PLCL2: variants seen among roughly 807,000 people sequenced by gnomAD.
PLCL2 encodes the protein phospholipase C like 2, also known as inactive phospholipase C-like protein 2.
Under a neutral mutation model 79.6 loss-of-function variants are expected in PLCL2, and 4 were observed. The ratio of observed to expected loss-of-function variants is 0.05; its 90% CI spans 0.02 to 0.11. The LOEUF (loss-of-function observed/expected upper bound fraction) is 0.11, where lower values mean the gene tolerates loss of function less well. PLCL2 is among the 10% of genes least tolerant of loss of function. PLCL2 has a pLI of 1.00. For missense variants in PLCL2, 895 were observed against 1,291.0 expected (o/e 0.69, Z 4.70); for synonymous variants, 484 against 457.7 (o/e 1.06, Z -0.73).
At chr3:16,921,910 T>C (rs1470194955) in intron 1 of PLCL2, among the ~76,000 whole-genome samples, 2 of 152,028 alleles carry the variant, frequency 1.3e-5, no homozygotes, top group Non-Finnish European at 2.9e-5. Flanking sequence ...CTGGAAGCTA[T>C]GGGAAAAAGA....
At chr3:16,951,072 G>A (rs1002416028) in intron 1 of PLCL2, among the ~76,000 whole-genome samples, 4 of 152,106 alleles carry the variant, frequency 2.6e-5, no homozygotes, top group African/African-American at 9.7e-5. Flanking sequence ...TGTCAACAGT[G>A]CTGTTTGAGA....
At chr3:16,988,211 G>T (rs1446781253) in intron 1 of PLCL2, among the ~76,000 whole-genome samples, 1 of 152,152 alleles carries the variant, frequency 6.6e-6, no homozygotes, top group Non-Finnish European at 1.5e-5. Context: ...GTAAACAGGG[G>T]CTTCAACACA....
intron 3 of PLCL2, among the ~76,000 whole-genome samples, chr3:17,040,338 C>G (rs993560930): frequency 2.6e-5 from 4 of 152,156 alleles, no homozygotes; most frequent in African/African-American, 9.7e-5. Flanking sequence ...TATTTTATAG[C>G]TGGAAGGTGC....
intron 1 of PLCL2, among the ~76,000 whole-genome samples, chr3:16,989,998 G>A (rs1321311494): frequency 6.6e-6 from 1 of 152,188 alleles, no homozygotes; most frequent in Non-Finnish European, 1.5e-5. Context: ...AGCATGTAAA[G>A]ATGTCAAGGA....
At chr3:16,985,470 GA>G (rs1224258649) in intron 1 of PLCL2, among the ~76,000 whole-genome samples, 1 of 152,116 alleles carries the variant, frequency 6.6e-6, no homozygotes, top group Non-Finnish European at 1.5e-5. Flanking sequence ...TGCACACATA[GA>G]AACATCAAAG....
chr3:16,998,696 A>G (rs2064178174), intron 1 of PLCL2, among the ~76,000 whole-genome samples: 1 of 152,226 alleles, frequency 6.6e-6, no homozygotes, highest in Non-Finnish European at 1.5e-5. Flanking sequence ...ATTTACTTTC[A>G]GGAAACATTT....
At position 17,041,367 on chromosome 3, in the gene PLCL2, C is replaced by G. The variant is rs189562901; in HGVS notation, c.3019-1507C>G. ...ACACAGGGGCTGCCTGCAGTAGACCCCAGCGATGATTAAAGATACATTATG... is the reference window on the plus strand; with the variant it reads ...ACACAGGGGCTGCCTGCAGTAGACCGCAGCGATGATTAAAGATACATTATG... On this transcript the variant is annotated intron_variant, in intron 3 of 5. Coordinates refer to ENST00000615277, the MANE Select transcript of PLCL2 (RefSeq NM_001144382.2). 1.5e-4 allele frequency among the ~76,000 whole-genome samples: 23 copies of G among 152,160 alleles called. 1 individual carries two copies. The East Asian group carries it at 4.3e-3, about 28-fold the overall frequency.
At chr3:16,970,038 T>TTATATATATATA (rs71266500) in intron 1 of PLCL2, among the ~76,000 whole-genome samples, 7 of 135,902 alleles carry the variant, frequency 5.2e-5, no homozygotes, top group African/African-American at 1.9e-4. Flanking sequence ...TGGCTTTGAT[T>TTATATATATATA]TATATATATA....
At chr3:16,937,974 G>C (rs1165649409) in intron 1 of PLCL2, among the ~76,000 whole-genome samples, 3 of 152,096 alleles carry the variant, frequency 2.0e-5, no homozygotes, top group Admixed American at 6.5e-5. Flanking sequence ...TTTGAAAGGT[G>C]GCAATTCACG....
chr3:17,027,755 T>C (rs1335216644), intron 3 of PLCL2, among the ~76,000 whole-genome samples: 1 of 152,216 alleles, frequency 6.6e-6, no homozygotes, highest in African/African-American at 2.4e-5. Flanking sequence ...GAGACTGTTA[T>C]CGTTGCCTGA....
chr3:16,890,555 T>A (rs1470484503), intron 1 of PLCL2, among the ~76,000 whole-genome samples: 2 of 152,246 alleles, frequency 1.3e-5, no homozygotes, highest in Non-Finnish European at 2.9e-5. Context: ...TCAGACTTTA[T>A]ACTTATGTGT....
chr3:16,969,394 C>G, intron 1 of PLCL2, among the ~76,000 whole-genome samples: 1 of 151,898 alleles, frequency 6.6e-6, no homozygotes, highest in Non-Finnish European at 1.5e-5. Flanking sequence ...AGTTCGTAGG[C>G]TTTTTATTAC....
At chr3:16,946,227 G>A (rs1376859466) in intron 1 of PLCL2, among the ~76,000 whole-genome samples, 11 of 152,080 alleles carry the variant, frequency 7.2e-5, no homozygotes, top group African/African-American at 2.7e-4. Context: ...GAAATGAGAA[G>A]CAAAAAGGAG....
At chr3:16,956,207 A>T (rs1272138946) in intron 1 of PLCL2, among the ~76,000 whole-genome samples, 11 of 151,618 alleles carry the variant, frequency 7.3e-5, no homozygotes, top group South Asian at 4.2e-4. Context: ...CGTCCCATCA[A>T]TACCTAATTT....
At chr3:17,043,672 G>C (rs1369337368) in intron 4 of PLCL2, among the ~76,000 whole-genome samples, 1 of 150,020 alleles carries the variant, frequency 6.7e-6, no homozygotes, top group African/African-American at 2.5e-5. Context: ...TTTCGTTGCT[G>C]TTCTTTAAAA....
intron 1 of PLCL2, among the ~76,000 whole-genome samples, chr3:16,970,108 T>C (rs1306023717): frequency 1.3e-5 from 2 of 151,242 alleles, no homozygotes; most frequent in African/African-American, 2.4e-5. Context: ...ATGTGCACAA[T>C]GTGCAGCTTA....
In PLCL2 at chr3:17,090,191, A is replaced by G. The variant is rs570841483; in HGVS notation, c.*279A>G. On this transcript the variant is annotated 3_prime_UTR_variant, in exon 6 of 6. Transcript: ENST00000615277. ...GTTCCAGTATGAAGAAAGATTATTC[A>G]CTCTAGCTCCACTGAGAAACATTTT... 9.2e-7 allele frequency: 1 copy of G among 1,092,622 alleles called. No individual in the cohort carries two copies. The highest frequency in any genetic ancestry group is 4.4e-5 in the South Asian group (1 of 22,802). 67.7% of individuals were successfully genotyped at this position (1,092,622 alleles called of 1,614,324 possible).
chr3:16,931,234 C>G (rs1367338936), intron 1 of PLCL2, among the ~76,000 whole-genome samples: 1 of 151,894 alleles, frequency 6.6e-6, no homozygotes, highest in Non-Finnish European at 1.5e-5. Flanking sequence ...CTGCTACATT[C>G]TGAGATCTTT....
chr3:16,916,361 G>A (rs1209857337), intron 1 of PLCL2, among the ~76,000 whole-genome samples: 1 of 152,152 alleles, frequency 6.6e-6, no homozygotes, highest in African/African-American at 2.4e-5. Flanking sequence ...TAGTGAATTA[G>A]TCCCTGCATC....
Sources: allele counts gnomAD v4.1 joint callset (sites outside exome capture counted in the v4.1 genomes callset), GRCh38; gene constraint gnomAD v4.1.1; transcripts MANE v1.5; gene names NCBI Gene and HGNC (gene_info 2026-07-23, HGNC 2026-07-21).